ZMYM4: variants seen among roughly 807,000 people sequenced by gnomAD.
ZMYM4 encodes the protein zinc finger MYM-type protein 4.
ZMYM4 carries 31 observed loss-of-function variants against 183.2 expected under a neutral mutation model. That is an observed-to-expected ratio of 0.17 (90% confidence interval 0.13 to 0.23). ZMYM4 has a LOEUF of 0.23. Ranked by LOEUF, ZMYM4 falls within the 10% of genes least tolerant of loss-of-function variation. The pLI is 1.00. For synonymous variants in ZMYM4, 592 were observed against 631.2 expected (o/e 0.94, Z 0.93); for missense variants, 1,273 against 1,840.3 (o/e 0.69, Z 5.64).
At chr1:35,312,539 C>T (rs998046183) in intron 1 of ZMYM4, among the ~76,000 whole-genome samples, 1 of 152,142 alleles carries the variant, frequency 6.6e-6, no homozygotes, top group African/African-American at 2.4e-5. Flanking sequence ...CGTAGAATTT[C>T]GTGTTTAATC....
chr1:35,357,923 G>A (rs1643869060), intron 2 of ZMYM4, among the ~76,000 whole-genome samples: 1 of 152,178 alleles, frequency 6.6e-6, no homozygotes, highest in Non-Finnish European at 1.5e-5. Flanking sequence ...TTGAAGCCAT[G>A]TGAACAGAAG....
In ZMYM4 at chr1:35,407,907, G is replaced by A. The variant is rs529236948; in HGVS notation, c.3797-101G>A. ...ATCCATATACCCACTAGTCTGCACC[G>A]CAGTGCCTGGAGCACAGTAGTGTTC... is the stretch of plus-strand genomic sequence containing the variant. On this transcript the variant is annotated intron_variant, in intron 25 of 29. Coordinates refer to ENST00000314607, the MANE Select transcript of ZMYM4 (RefSeq NM_005095.3). 3.0e-4 allele frequency: 438 copies of A among 1,457,216 alleles called. 2 individuals carry two copies. The highest frequency in any genetic ancestry group is 1.0e-3 in the African/African-American group (74 of 71,602). 90.3% of individuals were successfully genotyped at this position (1,457,216 alleles called of 1,614,324 possible). A position where few individuals can be genotyped will look rare whatever the true frequency, so the allele number is the denominator to read the frequency against.
At chr1:35,374,955 T>C (rs1644303271) in intron 7 of ZMYM4, among the ~76,000 whole-genome samples, 1 of 152,198 alleles carries the variant, frequency 6.6e-6, no homozygotes, top group South Asian at 2.1e-4. Flanking sequence ...CTCTTTAAGA[T>C]TATGTTCTCT....
At chr1:35,278,426 GT>G (rs35594581) in intron 1 of ZMYM4, among the ~76,000 whole-genome samples, 24,075 of 124,466 alleles carry the variant, frequency 0.19, 4,948 homozygotes, top group African/African-American at 0.52. Context: ...CATGAACTCT[GT>G]TTTTTTTTTT....
chr1:35,380,799 T>C (rs1644440882), intron 7 of ZMYM4, among the ~76,000 whole-genome samples: 1 of 152,194 alleles, frequency 6.6e-6, no homozygotes, highest in Non-Finnish European at 1.5e-5. Flanking sequence ...TATGGTAATG[T>C]TATATTTTAT....
chr1:35,310,042 G>A, intron 1 of ZMYM4, among the ~76,000 whole-genome samples: 1 of 150,580 alleles, frequency 6.6e-6, no homozygotes, highest in Non-Finnish European at 1.5e-5. Flanking sequence ...CGATTCTCCT[G>A]CCTCAGGCCT....
intron 29 of ZMYM4, 130 bp downstream of exon 29, chr1:35,418,702 C>T: frequency 8.8e-7 from 1 of 1,134,280 alleles, no homozygotes. Flanking sequence ...AATTTTTTCC[C>T]CATTGTCATA....
chr1:35,308,527 G>A (rs1013934650), intron 1 of ZMYM4, among the ~76,000 whole-genome samples: 3 of 152,074 alleles, frequency 2.0e-5, no homozygotes, highest in African/African-American at 4.8e-5. Flanking sequence ...TTAGTGTTCC[G>A]CTTGAAGTAC....
chr1:35,323,937 C>T (rs1020228469), intron 1 of ZMYM4, among the ~76,000 whole-genome samples: 3 of 152,134 alleles, frequency 2.0e-5, no homozygotes, highest in African/African-American at 7.2e-5. Flanking sequence ...GTGACCTTCA[C>T]TATTAGTTTG....
At position 35,352,606 on chromosome 1, in the gene ZMYM4, T is replaced by C. The variant is rs536601722; in HGVS notation, c.86-6319T>C. On this transcript the variant is annotated intron_variant, in intron 2 of 29. Coordinates refer to ENST00000314607, the MANE Select transcript of ZMYM4 (RefSeq NM_005095.3). Reference sequence around the variant, plus strand: ...TCCCACTGATGTAGCTGTTCTCAAGTTAGAAGTTAAGTTCTCAGTCTTCAT... The same window carrying C: ...TCCCACTGATGTAGCTGTTCTCAAGCTAGAAGTTAAGTTCTCAGTCTTCAT... Among the ~76,000 whole-genome samples the C allele has an allele frequency of 4.7e-4, 71 of 152,344 alleles. 1 individual carries two copies. Among genetic ancestry groups the C allele is most frequent in the African/African-American group, 1.5e-3 (62 of 41,584 alleles).
chr1:35,413,701 A>G (rs1048966165), intron 26 of ZMYM4, among the ~76,000 whole-genome samples: 5 of 152,174 alleles, frequency 3.3e-5, no homozygotes, highest in Non-Finnish European at 2.9e-5. Context: ...GTTCTTCATA[A>G]TACTTCTTCT....
At chr1:35,411,779 C>T (rs1027527603) in intron 26 of ZMYM4, among the ~76,000 whole-genome samples, 3 of 152,160 alleles carry the variant, frequency 2.0e-5, no homozygotes, top group Non-Finnish European at 2.9e-5. Context: ...TTGCTTTCAG[C>T]AGTTTTTTGT....
At chr1:35,416,697 G>A (rs1640126572) in intron 28 of ZMYM4, among the ~76,000 whole-genome samples, 1 of 152,174 alleles carries the variant, frequency 6.6e-6, no homozygotes, top group African/African-American at 2.4e-5. Flanking sequence ...CCAAGTAGCT[G>A]GGACTACAGG....
At chr1:35,401,906 A>G (rs749200407) in intron 23 of ZMYM4, among the ~76,000 whole-genome samples, 5 of 152,158 alleles carry the variant, frequency 3.3e-5, no homozygotes, top group South Asian at 4.1e-4. Flanking sequence ...TTAAAAGTCA[A>G]TCATATATGT....
At position 35,420,963 on chromosome 1, in the gene ZMYM4, C is replaced by A. The variant is rs1640305538; in HGVS notation, c.*1286C>A. ...TCATAGGTGTGTGTGGCATATCAGT[C>A]CATCTCCCTCATCTCCATTCTCAGT... On this transcript the variant is annotated 3_prime_UTR_variant, in exon 30 of 30. Transcript: ENST00000314607. 1 of 152,268 alleles carries A rather than the reference C, an allele frequency of 6.6e-6. No individual in the cohort carries two copies. The highest frequency in any genetic ancestry group is 1.5e-5 in the Non-Finnish European group (1 of 68,038). The allele number at this position is 152,268 out of a possible 1,614,324, so 9.4% of individuals were successfully genotyped here.
rs1408494575 is a variant in ZMYM4, at chr1:35,359,372, A to C, written c.533A>C (p.Glu178Ala). 6.3e-7 allele frequency: 1 copy of C among 1,599,032 alleles called. No homozygotes were observed. Among genetic ancestry groups the C allele is most frequent in the East Asian group, 2.2e-5 (1 of 44,758 alleles). The change falls in exon 3 of 30, where the codon GAA becomes GCA. Residue 178 changes from glutamate (E) to alanine (A), a missense_variant. This residue lies in a region of ZMYM4 where 384 missense variants were observed against 465.6 expected (regional missense o/e 0.82). Coordinates refer to ENST00000314607, the MANE Select transcript of ZMYM4 (RefSeq NM_005095.3). ...GAGAAAAATAGAGACCTAACTTATG[A>C]ACGTGAAAAACGGTTGGATAAACCC... ...GKEKNRDLTY[E>A]REKRLDKPHK...
At chr1:35,410,756 C>A (rs1490018295) in intron 26 of ZMYM4, among the ~76,000 whole-genome samples, 2 of 151,884 alleles carry the variant, frequency 1.3e-5, no homozygotes, top group Non-Finnish European at 2.9e-5. Context: ...TCCCAATGTG[C>A]TGGCTTTACT....
intron 2 of ZMYM4, among the ~76,000 whole-genome samples, chr1:35,326,937 G>A (rs992079435): frequency 2.0e-5 from 3 of 152,112 alleles, no homozygotes; most frequent in Admixed American, 6.6e-5. Flanking sequence ...TAGGCTCACT[G>A]CAACCTCTGC....
At chr1:35,376,087 A>AG (rs1435285511) in intron 7 of ZMYM4, among the ~76,000 whole-genome samples, 1 of 152,136 alleles carries the variant, frequency 6.6e-6, no homozygotes, top group African/African-American at 2.4e-5. Context: ...GAAAAAAAAA[A>AG]AAAATCTCAT....
Sources: allele counts gnomAD v4.1 joint callset (sites outside exome capture counted in the v4.1 genomes callset), GRCh38; gene constraint gnomAD v4.1.1; regional missense constraint gnomAD v4.1.1; transcripts MANE v1.5; gene names NCBI Gene and HGNC (gene_info 2026-07-23, HGNC 2026-07-21).